Variants in AKNAD1 observed in about 807,000 individuals in gnomAD.
AKNAD1 encodes protein AKNAD1.
AKNAD1 carries 67 observed loss-of-function variants against 90.8 expected under a neutral mutation model. The ratio of observed to expected loss-of-function variants is 0.74; its 90% CI spans 0.61 to 0.90. The LOEUF is 0.90. Ranked by LOEUF, AKNAD1 falls within the 40% of genes least tolerant of loss-of-function variation. The pLI is 0.00. For synonymous variants in AKNAD1, 327 were observed against 341.4 expected (o/e 0.96, Z 0.46); for missense variants, 957 against 975.4 (o/e 0.98, Z 0.25).
Position 108,852,749 on chromosome 1 carries a change from G to C in AKNAD1, c.-85C>G. 1 of 1,297,064 alleles carries C rather than the reference G, an allele frequency of 7.7e-7. No individual in the cohort carries two copies. 80.3% of individuals were successfully genotyped at this position (1,297,064 alleles called of 1,614,324 possible). A position where few individuals can be genotyped will look rare whatever the true frequency, so the allele number is the denominator to read the frequency against. On this transcript the variant is annotated 5_prime_UTR_variant, in exon 2 of 16. Coordinates refer to ENST00000370001, the MANE Select transcript of AKNAD1 (RefSeq NM_152763.5). ...ACAATAGCTCTGGTTCTCACTGACT[G>C]TCTTCACTGTGTGCTATTCTGTGTG...
chr1:108,840,814 A>T (rs552845348), intron 6 of AKNAD1, among the ~76,000 whole-genome samples: 5 of 152,286 alleles, frequency 3.3e-5, no homozygotes, highest in African/African-American at 1.2e-4. Context: ...AAATATAGGA[A>T]ACTATGTTGG....
chr1:108,828,220 G>C (rs1188919252), intron 10 of AKNAD1, among the ~76,000 whole-genome samples: 1 of 151,772 alleles, frequency 6.6e-6, no homozygotes, highest in Non-Finnish European at 1.5e-5. Flanking sequence ...CTCCAGCAAA[G>C]TGGGCTTTGC....
At chr1:108,842,322 A>G (rs1330746956) in intron 6 of AKNAD1, among the ~76,000 whole-genome samples, 3 of 152,240 alleles carry the variant, frequency 2.0e-5, no homozygotes, top group Admixed American at 6.5e-5. Context: ...AGAAAGGGCT[A>G]AACTCACAAA....
At chr1:108,826,673 T>A (rs1157909174) in intron 11 of AKNAD1, among the ~76,000 whole-genome samples, 1 of 151,352 alleles carries the variant, frequency 6.6e-6, no homozygotes, top group African/African-American at 2.4e-5. Flanking sequence ...TAGAAACAGG[T>A]GTTCATGCTT....
At chr1:108,849,693 C>T in intron 2 of AKNAD1, 117 bp from the exon 3 acceptor site, 2 of 725,288 alleles carry the variant, frequency 2.8e-6, no homozygotes, top group Non-Finnish European at 4.8e-6. Context: ...CAGTCAAGAG[C>T]CGGAGCCATG....
intron 5 of AKNAD1, among the ~76,000 whole-genome samples, chr1:108,846,798 A>G (rs990924880): frequency 2.0e-5 from 3 of 152,080 alleles, no homozygotes; most frequent in African/African-American, 7.2e-5. Context: ...TGCCTACTGG[A>G]GCCCTCTACT....
rs1238667762 is a variant in AKNAD1 at position 108,816,573 on chromosome 1, TGCCGCAGAGAAAGAG to T, written c.2380-286_2380-272del. Among the ~76,000 whole-genome samples, 3 of 152,214 alleles carry T rather than the reference TGCCGCAGAGAAAGAG, an allele frequency of 2.0e-5. No individual in the cohort carries two copies. In the East Asian group the frequency reaches 5.8e-4, roughly 29 times the overall value. On this transcript the variant is annotated intron_variant, in intron 15 of 15. Transcript: ENST00000370001. The stretch of plus-strand genomic sequence containing the variant: ...TCAGCCGCCAGCTGGGCTGTTTCCC[TGCCGCAGAGAAAGAG>T]AAAAAAAGAACAGCTCTTAGAGGCC...
chr1:108,839,106 T>C (rs1041464691), intron 6 of AKNAD1, among the ~76,000 whole-genome samples: 2 of 152,218 alleles, frequency 1.3e-5, no homozygotes, highest in Non-Finnish European at 2.9e-5. Context: ...AGCACGTGTA[T>C]AGAACCTTGG....
At chr1:108,856,764 A>G (rs1378374984) in intron 1 of AKNAD1, among the ~76,000 whole-genome samples, 165 bp downstream of exon 1, 2 of 151,988 alleles carry the variant, frequency 1.3e-5, no homozygotes, top group Non-Finnish European at 2.9e-5. Context: ...ACAGACAAAG[A>G]AAGAAAGAAA....
Position 108,816,225 on chromosome 1 carries a change from C to T in AKNAD1, c.2457G>A (p.Thr819=), listed in dbSNP as rs577059978. The change falls in exon 16 of 16, where the codon ACG becomes ACA. Residue 819 remains threonine, a synonymous_variant. Coordinates refer to ENST00000370001, the MANE Select transcript of AKNAD1 (RefSeq NM_152763.5). The stretch of plus-strand genomic sequence containing the variant: ...GTGCTTTAGCAAGGTCTTCTGCAAT[C>T]GTTTTAATCATTTGATCTGTAGTTT... ...LKETTDQMIK[T]IAEDLAKAQR... The T allele has an allele frequency of 9.9e-6, 16 of 1,613,642 alleles. 1 individual carries two copies. The South Asian group carries it at 1.3e-4, about 13-fold the overall frequency.
chr1:108,827,470 GCTTTTCTACA>G (rs1441345796), intron 10 of AKNAD1, among the ~76,000 whole-genome samples, 168 bp from the exon 11 acceptor site: 3 of 151,594 alleles, frequency 2.0e-5, no homozygotes, highest in Non-Finnish European at 4.4e-5. Flanking sequence ...CTGTTTGAGA[GCTTTTCTACA>G]AGAAATTGCA....
chr1:108,821,543 C>A (rs4970813), intron 13 of AKNAD1, among the ~76,000 whole-genome samples: 68,398 of 152,120 alleles, frequency 0.45, 16,422 homozygotes, highest in Non-Finnish European at 0.55. Flanking sequence ...TGCATGACAT[C>A]TGACTTCTCT....
rs1664312993 is a variant in AKNAD1, at chr1:108,834,476, C to T, written c.1717G>A (p.Val573Met). ...GAGTTAGAAGACAGCCTCATGGCCA[C>T]TTGGTCTGGCTTGTTCTGGGCAGCT... ...DAAAQNKPDQ[V>M]AMRLSSNSGE... Residue 573 changes from valine (V) to methionine (M), a missense_variant, in exon 9 of 16, where the codon GTG becomes ATG. Val to Met is a conservative substitution (Grantham distance 21, BLOSUM62 1). Transcript: ENST00000370001. The T allele has an allele frequency of 6.2e-6, 10 of 1,610,908 alleles. No individual in the cohort carries two copies. The East Asian group carries it at 2.2e-4, about 36-fold the overall frequency.
intron 1 of AKNAD1, among the ~76,000 whole-genome samples, chr1:108,855,711 G>A (rs541978627): frequency 1.6e-3 from 244 of 151,994 alleles, no homozygotes; most frequent in Middle Eastern, 6.8e-3. Flanking sequence ...ACTTGAACCC[G>A]GGAGGCAGAG....
chr1:108,840,963 G>T (rs1664534150), intron 6 of AKNAD1, among the ~76,000 whole-genome samples: 1 of 152,106 alleles, frequency 6.6e-6, no homozygotes, highest in South Asian at 2.1e-4. Flanking sequence ...TTTAGGTCAG[G>T]AGTTCAAGAC....
Position 108,843,234 on chromosome 1 carries a change from G to C in AKNAD1, c.1279C>G (p.Leu427Val). ...LEKLQGHLELLEQNFLATKDK... is the reference protein window; with the variant it reads ...LEKLQGHLELVEQNFLATKDK... ...TTGGTGGCCAGAAAGTTCTGCTCCA[G>C]CAGTTCAAGGTGTCCCTGCAGTTTC... is the stretch of plus-strand genomic sequence containing the variant. The change falls in exon 6 of 16, where the codon CTG (leucine) becomes GTG (valine). Residue 427 changes from leucine to valine, a missense_variant. Coordinates refer to ENST00000370001, the MANE Select transcript of AKNAD1 (RefSeq NM_152763.5). 6.2e-7 allele frequency: 1 copy of C among 1,614,172 alleles called. No homozygotes were observed. The highest frequency in any genetic ancestry group is 8.5e-7 in the Non-Finnish European group (1 of 1,180,032).
chr1:108,818,972 A>AAAAC (rs1663722705), intron 14 of AKNAD1, among the ~76,000 whole-genome samples: 1 of 151,516 alleles, frequency 6.6e-6, no homozygotes, highest in South Asian at 2.1e-4. Flanking sequence ...TCAAAAAAAA[A>AAAAC]AAAAAAAAAC....
At chr1:108,855,229 T>A (rs1664995796) in intron 1 of AKNAD1, among the ~76,000 whole-genome samples, 1 of 151,758 alleles carries the variant, frequency 6.6e-6, no homozygotes, top group African/African-American at 2.4e-5. Flanking sequence ...CTGGCCAACA[T>A]GGTGAAACCC....
intron 6 of AKNAD1, among the ~76,000 whole-genome samples, chr1:108,841,210 AAAAG>A (rs1456942363): frequency 4.0e-5 from 6 of 151,834 alleles, no homozygotes; most frequent in Non-Finnish European, 8.8e-5. Flanking sequence ...TAATAATAAT[AAAAG>A]AAATAAAATG....
Sources: gnomAD v4.1 joint callset for allele counts (sites outside exome capture counted in the v4.1 genomes callset) on GRCh38, gnomAD v4.1.1 for gene constraint, MANE v1.5 for transcripts, NCBI Gene and HGNC (gene_info 2026-07-23, HGNC 2026-07-21) for gene names.